The following MAP3K3 variants were observed in gnomAD, a reference collection of about 807,000 sequenced individuals.
MAP3K3 encodes MAP/ERK kinase kinase 3.
In MAP3K3, 12 loss-of-function variants were observed where a neutral mutation model predicts 80.9. That is an observed-to-expected ratio of 0.15 (90% CI 0.10 to 0.24). The LOEUF (loss-of-function observed/expected upper bound fraction) is 0.24. Among genes scored for constraint, MAP3K3 ranks in the 10% least tolerant of loss-of-function variants. The probability of loss-of-function intolerance (pLI) is 1.00; values close to 1 mark genes in which losing one functional copy is unlikely to be tolerated. For missense variants in MAP3K3, 596 were observed against 834.7 expected (o/e 0.71, Z 3.52); for synonymous variants, 272 against 307.1 (o/e 0.89, Z 1.19).
At chr17:63,644,947 C>T (rs549838959) in intron 2 of MAP3K3, among the ~76,000 whole-genome samples, 2 of 152,146 alleles carry the variant, frequency 1.3e-5, no homozygotes, top group Non-Finnish European at 2.9e-5. Context: ...TACACCTGTT[C>T]TTCTGTAATA....
chr17:63,688,249 G>T, intron 8 of MAP3K3: 1 of 514,186 alleles, frequency 1.9e-6, no homozygotes, highest in Non-Finnish European at 3.5e-6. Context: ...TACAGAGGTG[G>T]GAAGAAAGGC....
At chr17:63,658,790 A>G (rs2034825246) in intron 5 of MAP3K3, among the ~76,000 whole-genome samples, 1 of 149,302 alleles carries the variant, frequency 6.7e-6, no homozygotes, top group Non-Finnish European at 1.5e-5. Flanking sequence ...GCTGGAATGC[A>G]ATGGTGTGAT....
intron 5 of MAP3K3, among the ~76,000 whole-genome samples, chr17:63,662,774 C>T (rs1335213404): frequency 6.6e-6 from 1 of 150,786 alleles, no homozygotes; most frequent in East Asian, 2.0e-4. Context: ...TCTCCTGCCT[C>T]AGCCTCCCTA....
rs111784702 is a variant in MAP3K3 at position 63,624,562 on chromosome 17, A to G, written c.4+1799A>G. 8.0e-4 allele frequency among the ~76,000 whole-genome samples: 122 copies of G among 152,350 alleles called. 1 individual carries two copies. In the Middle Eastern group the frequency reaches 0.014, roughly 17 times the overall value. On this transcript the variant is annotated intron_variant, in intron 1 of 15. Transcript: ENST00000361733. Reference sequence around the variant, plus strand: ...ACCAATGATGGGGAGGAAGGAAACTATATAGGCTGGGTCTAGAGCCCCAAA... The same window carrying G: ...ACCAATGATGGGGAGGAAGGAAACTGTATAGGCTGGGTCTAGAGCCCCAAA...
At chr17:63,622,802 T>C in intron 1 of MAP3K3, 39 bp downstream of exon 1, 2 of 474,590 alleles carry the variant, frequency 4.2e-6, no homozygotes, top group African/African-American at 2.1e-5. Flanking sequence ...CCCGCGCTGC[T>C]TCGCGACGCC....
chr17:63,657,761 T>C (rs370404986), intron 4 of MAP3K3, 33 bp from the exon 5 acceptor site: 38 of 930,590 alleles, frequency 4.1e-5, no homozygotes, highest in Non-Finnish European at 6.3e-5. Context: ...TTCTGTTTTA[T>C]ATTATTTTCC....
chr17:63,664,246 C>CAAAAAAAAAAAAAAAAAAAAAA, intron 5 of MAP3K3, among the ~76,000 whole-genome samples: 1 of 72,532 alleles, frequency 1.4e-5, no homozygotes, highest in African/African-American at 4.6e-5. Context: ...GACTCCGTCT[C>CAAAAAAAAAAAAAAAAAAAAAA]AAAAAAAAAA....
At position 63,691,335 on chromosome 17, in the gene MAP3K3, C is replaced by A. The variant is rs777513148; in HGVS notation, c.1344+102C>A. 9.2e-6 allele frequency: 14 copies of A among 1,523,514 alleles called. No individual in the cohort carries two copies. The highest frequency in any genetic ancestry group is 1.2e-5 in the Non-Finnish European group (13 of 1,112,398). The allele number at this position is 1,523,514 out of a possible 1,614,324, so 94.4% of individuals were successfully genotyped here. A position where few individuals can be genotyped will look rare whatever the true frequency, so the allele number is the denominator to read the frequency against. ...GTCACCTTGGATAGGAGTTTGAACA[C>A]CTGAGGCTCCAGAGGCCCAGAGGAG... On this transcript the variant is annotated intron_variant, in intron 13 of 15. Coordinates refer to ENST00000361733, the MANE Select transcript of MAP3K3 (RefSeq NM_002401.5). The surrounding 1 kb of genome is among the most constrained non-coding windows in gnomAD (Gnocchi z 4.8).
chr17:63,657,984 C>A, intron 5 of MAP3K3, 77 bp downstream of exon 5: 1 of 776,856 alleles, frequency 1.3e-6, no homozygotes, highest in Non-Finnish European at 2.1e-6. Context: ...GCCTCCTTGA[C>A]AGACATTTTC....
intron 1 of MAP3K3, among the ~76,000 whole-genome samples, chr17:63,631,244 C>T (rs2034209570): frequency 6.6e-6 from 1 of 152,146 alleles, no homozygotes; most frequent in Non-Finnish European, 1.5e-5. Context: ...GCTGTGATTG[C>T]ACCACTGCAC....
intron 2 of MAP3K3, among the ~76,000 whole-genome samples, chr17:63,635,834 C>G (rs1568124521): frequency 6.6e-6 from 1 of 152,170 alleles, no homozygotes. Context: ...AATGAAAGAT[C>G]AAAACCTAAT....
chr17:63,641,543 G>A (rs1336990241), intron 2 of MAP3K3, among the ~76,000 whole-genome samples: 2 of 152,094 alleles, frequency 1.3e-5, no homozygotes, highest in Non-Finnish European at 2.9e-5. Context: ...GCCTAGTGCA[G>A]TTAGGTTTAA....
At chr17:63,663,031 C>T (rs1427093019) in intron 5 of MAP3K3, among the ~76,000 whole-genome samples, 1 of 151,850 alleles carries the variant, frequency 6.6e-6, no homozygotes, top group Non-Finnish European at 1.5e-5. Context: ...CCAGGTGCCT[C>T]CACGGTTGGA....
rs1309947908 is a variant in MAP3K3, at chr17:63,673,976, A to C, written c.502+6916A>C. Among the ~76,000 whole-genome samples the C allele has an allele frequency of 1.3e-5, 2 of 151,646 alleles. 1 individual carries two copies. The highest frequency in any genetic ancestry group is 4.8e-5 in the African/African-American group (2 of 41,256). ...GCATCTGTAATCCCAGCTACTTGGG[A>C]GGCTGAGGTGGGACAATCACTTGAA... On this transcript the variant is annotated intron_variant, in intron 6 of 15. Coordinates refer to ENST00000361733, the MANE Select transcript of MAP3K3 (RefSeq NM_002401.5).
At chr17:63,645,888 T>C (rs1453137774) in intron 2 of MAP3K3, 146 bp from the exon 3 acceptor site, 5 of 667,926 alleles carry the variant, frequency 7.5e-6, no homozygotes, top group South Asian at 6.4e-5. Context: ...GGAATGCCCA[T>C]GCCCATCTGG....
chr17:63,690,549 G>A lies in MAP3K3; in HGVS notation c.1212+137G>A, dbSNP rs984807849. On this transcript the variant is annotated intron_variant, in intron 12 of 15. Transcript: ENST00000361733. Reference sequence around the variant, plus strand: ...CCCAAACTCCCTTTCTGTCCATCCTGGTCCCAGCCACAGGGTGAAAGGACT... The same window carrying A: ...CCCAAACTCCCTTTCTGTCCATCCTAGTCCCAGCCACAGGGTGAAAGGACT... 4 of 931,556 alleles carry A rather than the reference G, an allele frequency of 4.3e-6. No individual in the cohort carries two copies. In the South Asian group the frequency reaches 6.6e-5, roughly 15 times the overall value. 57.7% of individuals were successfully genotyped at this position (931,556 alleles called of 1,614,324 possible).
intron 4 of MAP3K3, among the ~76,000 whole-genome samples, chr17:63,657,184 A>G (rs1424879394): frequency 6.6e-6 from 1 of 152,074 alleles, no homozygotes; most frequent in South Asian, 2.1e-4. Context: ...AGAGTGGGAC[A>G]TGATCCTACT....
chr17:63,690,070 T>G (rs1332091972), intron 11 of MAP3K3, 194 bp from the exon 12 acceptor site: 1 of 633,864 alleles, frequency 1.6e-6, no homozygotes, highest in African/African-American at 1.8e-5. Context: ...ATCCTCTGCT[T>G]CTTAGGACTC....
chr17:63,659,305 A>G (rs1050176920), intron 5 of MAP3K3, among the ~76,000 whole-genome samples: 7 of 152,114 alleles, frequency 4.6e-5, no homozygotes, highest in Non-Finnish European at 8.8e-5. Context: ...TGTTTTTTGC[A>G]TTTATAAATA....
Sources: gnomAD v4.1 joint callset for allele counts (sites outside exome capture counted in the v4.1 genomes callset) on GRCh38, gnomAD v4.1.1 for gene constraint, Gnocchi (gnomAD v3.1) non-coding constraint, MANE v1.5 for transcripts, NCBI Gene and HGNC (gene_info 2026-07-23, HGNC 2026-07-21) for gene names.